The following QTMAN variants were observed in gnomAD, a reference collection of about 807,000 sequenced individuals.
The protein encoded by QTMAN is tRNA-queuosine alpha-mannosyltransferase.
At chr2:144,092,237 A>G in the QTMAN span, among the ~76,000 whole-genome samples, 2 of 150,370 alleles carry the variant, frequency 1.3e-5, no homozygotes, top group South Asian at 4.2e-4. Context: ...GTGCAGTGGC[A>G]TGATCTCGGC....
the QTMAN span, chr2:144,006,164 C>T: frequency 8.7e-4 from 132 of 152,182 alleles, no homozygotes; most frequent in African/African-American, 3.0e-3. Flanking sequence ...TGAAGTTGCA[C>T]AAACAAATTC....
the QTMAN span, among the ~76,000 whole-genome samples, chr2:144,042,826 T>G: frequency 6.6e-6 from 1 of 152,004 alleles, no homozygotes; most frequent in Non-Finnish European, 1.5e-5. Flanking sequence ...TTTGTGGTCT[T>G]GTCCACAGGT....
the QTMAN span, among the ~76,000 whole-genome samples, chr2:144,223,294 A>T: frequency 6.6e-6 from 1 of 152,178 alleles, no homozygotes; most frequent in African/African-American, 2.4e-5. Flanking sequence ...TATGAAATAT[A>T]TAAATACAAA....
At chr2:144,236,943 G>A in the QTMAN span, among the ~76,000 whole-genome samples, 6 of 151,848 alleles carry the variant, frequency 4.0e-5, no homozygotes, top group South Asian at 6.3e-4. Flanking sequence ...AGTAGAAGAA[G>A]GGAAAAATTA....
chr2:144,087,277 A>G, the QTMAN span, among the ~76,000 whole-genome samples: 102 of 152,292 alleles, frequency 6.7e-4, no homozygotes, highest in African/African-American at 2.5e-3. Flanking sequence ...CTCAGCAAGC[A>G]ACACTTGAAT....
the QTMAN span, among the ~76,000 whole-genome samples, chr2:144,133,115 TAATATA>T: frequency 1.1e-4 from 1 of 8,954 alleles, no homozygotes; most frequent in Non-Finnish European, 1.9e-4. Context: ...GAATGACTGG[TAATATA>T]TATATATATA....
chr2:144,137,916 C>G, the QTMAN span, among the ~76,000 whole-genome samples: 12 of 152,086 alleles, frequency 7.9e-5, no homozygotes, highest in Admixed American at 7.9e-4. Context: ...TACTTAACCT[C>G]GCTGCTGTGA....
the QTMAN span, among the ~76,000 whole-genome samples, chr2:144,312,884 T>C: frequency 6.6e-6 from 1 of 152,220 alleles, no homozygotes; most frequent in Admixed American, 6.5e-5. Context: ...GTAAGTTTCC[T>C]GAGGCCTCCC....
the QTMAN span, among the ~76,000 whole-genome samples, chr2:144,132,363 G>A: frequency 2.0e-5 from 3 of 152,022 alleles, no homozygotes; most frequent in Non-Finnish European, 4.4e-5. Flanking sequence ...TATTCTGGTA[G>A]CTTACTTTTC....
the QTMAN span, among the ~76,000 whole-genome samples, chr2:144,238,383 T>C: frequency 6.6e-6 from 1 of 152,166 alleles, no homozygotes; most frequent in African/African-American, 2.4e-5. Flanking sequence ...ACTAGAATAG[T>C]ATCATGGGGT....
chr2:144,053,003 C>T, the QTMAN span, among the ~76,000 whole-genome samples: 1 of 152,150 alleles, frequency 6.6e-6, no homozygotes, highest in African/African-American at 2.4e-5. Context: ...CCTGGTCATG[C>T]ACTGATACTC....
chr2:143,943,542 T>C, the QTMAN span: 1 of 152,240 alleles, frequency 6.6e-6, no homozygotes, highest in Admixed American at 6.5e-5. Flanking sequence ...TTGTGGCTCA[T>C]AATATTTCTG....
At chr2:144,092,910 T>TGC in the QTMAN span, among the ~76,000 whole-genome samples, 2 of 149,460 alleles carry the variant, frequency 1.3e-5, no homozygotes, top group African/African-American at 4.9e-5. Context: ...TGTGTGTGTG[T>TGC]AGGAAACACT....
the QTMAN span, among the ~76,000 whole-genome samples, chr2:144,184,674 A>G: frequency 6.6e-6 from 1 of 152,118 alleles, no homozygotes. Context: ...TAAATTAACC[A>G]AAAAAATCAT....
At chr2:144,091,115 T>C in the QTMAN span, among the ~76,000 whole-genome samples, 2 of 152,032 alleles carry the variant, frequency 1.3e-5, no homozygotes, top group African/African-American at 4.8e-5. Context: ...TGAGAAAATA[T>C]AGTTTTGTTC....
At chr2:143,946,139 A>G in the QTMAN span, 2 of 152,206 alleles carry the variant, frequency 1.3e-5, no homozygotes, top group East Asian at 1.9e-4. Flanking sequence ...TGAAAAGGTT[A>G]TATTTGTAGG....
the QTMAN span, among the ~76,000 whole-genome samples, chr2:144,024,801 T>C: frequency 1.3e-5 from 2 of 152,228 alleles, no homozygotes; most frequent in South Asian, 2.1e-4. Flanking sequence ...ACTCCTTTGA[T>C]ATAATTTTTT....
the QTMAN span, among the ~76,000 whole-genome samples, chr2:144,119,708 G>C: frequency 6.6e-6 from 1 of 152,150 alleles, no homozygotes; most frequent in African/African-American, 2.4e-5. Context: ...CCTGCTTCAT[G>C]GGGCTGTCTC....
chr2:144,078,628 C>G, the QTMAN span, among the ~76,000 whole-genome samples: 1 of 152,128 alleles, frequency 6.6e-6, no homozygotes, highest in Non-Finnish European at 1.5e-5. Context: ...TAGTAAATAG[C>G]CAATGAGTCC....
Sources: gnomAD v4.1 joint callset for allele counts (sites outside exome capture counted in the v4.1 genomes callset) on GRCh38, gnomAD v4.1.1 for gene constraint, MANE v1.5 for transcripts, NCBI Gene and HGNC (gene_info 2026-07-23, HGNC 2026-07-21) for gene names.